The following MTRES1 variants were observed in gnomAD, a reference collection of about 807,000 sequenced individuals.
The protein encoded by MTRES1 is uncharacterized protein C6orf203.
In MTRES1, 11 loss-of-function variants were observed where a neutral mutation model predicts 17.4. The ratio of observed to expected loss-of-function variants is 0.63; its 90% confidence interval spans 0.40 to 1.05. The LOEUF (loss-of-function observed/expected upper bound fraction) is 1.05. Ranked by LOEUF, MTRES1 falls within the 50% of genes least tolerant of loss-of-function variation. The pLI, the probability that MTRES1 is intolerant of heterozygous loss-of-function variation, is 0.00. For synonymous variants in MTRES1, 94 were observed against 99.6 expected (o/e 0.94, Z 0.34); for missense variants, 268 against 276.2 (o/e 0.97, Z 0.21).
At chr6:107,035,131 C>CT (rs372797626) in intron 1 of MTRES1, among the ~76,000 whole-genome samples, 185 of 149,892 alleles carry the variant, frequency 1.2e-3, no homozygotes, top group Admixed American at 4.6e-3. Flanking sequence ...TCAGAGGGTG[C>CT]TTTTTTTTTT....
rs782791058 is a variant in MTRES1 at position 107,044,310 on chromosome 6, A to C, written c.521A>C (p.Lys174Thr). ...YKGELRLNEE[K>T]LWKKSRTVKV... ...GGTGAACTCAGGCTGAATGAGGAAA[A>C]ATTATGGAAGAAAAGCAGAACGGTG... The change falls in exon 3 of 4, where the codon AAA becomes ACA. Residue 174 changes from lysine to threonine, a missense_variant. Physicochemically the swap from Lys to Thr is moderately conservative, Grantham distance 78. Coordinates refer to ENST00000311381, the MANE Select transcript of MTRES1 (RefSeq NM_016487.5). 1.2e-6 allele frequency: 2 copies of C among 1,613,838 alleles called. No homozygotes were observed. Among genetic ancestry groups the C allele is most frequent in the Non-Finnish European group, 1.7e-6 (2 of 1,179,794 alleles).
In MTRES1 at chr6:107,044,344, AC is replaced by A; in HGVS notation, c.543+14del. The stretch of plus-strand genomic sequence containing the variant: ...AGAAAAGCAGAACGGTGAGATACTA[AC>A]CTAAAATGACAGCCAGATGTTTTCG... On this transcript the variant is annotated intron_variant, in intron 3 of 3. Transcript: ENST00000311381. The A allele has an allele frequency of 6.2e-7, 1 of 1,602,186 alleles. No individual in the cohort carries two copies. The highest frequency in any genetic ancestry group is 8.6e-7 in the Non-Finnish European group (1 of 1,169,416).
chr6:107,031,948 A>AACCAAGAGTAAGGTGTCTTGGCG (rs2114939130), intron 1 of MTRES1, among the ~76,000 whole-genome samples: 1 of 152,196 alleles, frequency 6.6e-6, no homozygotes, highest in South Asian at 2.1e-4. Context: ...ACAGGAAGAA[A>AACCAAGAGTAAGGTGTCTTGGCG]ACCAAGAGTA....
In MTRES1 at chr6:107,040,141, T is replaced by A. The variant is rs201199957; in HGVS notation, c.381T>A (p.Thr127=). The stretch of plus-strand genomic sequence containing the variant: ...AAGAGGAGCTTGAGGATGATCCTAC[T>A]GTAGTCAAAAACTATAAAGACCTGG... The part of the protein sequence containing the change: ...EQEEELEDDP[T]VVKNYKDLEK... The change falls in exon 2 of 4, where the codon ACT becomes ACA. Residue 127 remains threonine, a synonymous_variant. Transcript: ENST00000311381. The A allele has an allele frequency of 5.0e-6, 8 of 1,613,596 alleles. No homozygotes were observed. Among genetic ancestry groups the A allele is most frequent in the Middle Eastern group, 1.6e-4 (1 of 6,084 alleles).
At chr6:107,050,677 A>G (rs1774569875) in intron 3 of MTRES1, among the ~76,000 whole-genome samples, 1 of 150,968 alleles carries the variant, frequency 6.6e-6, no homozygotes, top group Non-Finnish European at 1.5e-5. Context: ...CCCGGGTCCA[A>G]GCGATTCTCC....
intron 1 of MTRES1, among the ~76,000 whole-genome samples, chr6:107,037,383 G>A (rs1047432733): frequency 6.6e-5 from 10 of 151,998 alleles, no homozygotes; most frequent in Admixed American, 2.6e-4. Flanking sequence ...GCTAATTTTC[G>A]TACTAAAAGT....
intron 3 of MTRES1, 116 bp downstream of exon 3, chr6:107,044,448 T>G: frequency 1.3e-6 from 1 of 769,132 alleles, no homozygotes; most frequent in Non-Finnish European, 2.2e-6. Context: ...TGAGGTCCTT[T>G]GTGGTCCTCC....
In MTRES1 at chr6:107,039,912, G is replaced by A. The variant is rs782731627; in HGVS notation, c.152G>A (p.Arg51His). The A allele has an allele frequency of 1.5e-5, 24 of 1,613,792 alleles. No individual in the cohort carries two copies. Among genetic ancestry groups the A allele is most frequent in the African/African-American group, 5.3e-5 (4 of 74,892 alleles). Residue 51 changes from arginine to histidine, a missense_variant, in exon 2 of 4, where the codon CGT becomes CAT. By Grantham distance (29) the Arg-to-His change is conservative. Coordinates refer to ENST00000311381, the MANE Select transcript of MTRES1 (RefSeq NM_016487.5). ...RYLYFSSTKL[R>H]APNYKTLFYN... ...TTGTATTTTTCTAGTACCAAGTTAC[G>A]TGCACCAAATTATAAAACACTTTTT...
chr6:107,047,573 G>A (rs1289721348), intron 3 of MTRES1, among the ~76,000 whole-genome samples: 1 of 151,898 alleles, frequency 6.6e-6, no homozygotes, highest in Non-Finnish European at 1.5e-5. Context: ...TGTATCATAT[G>A]CATATATTAC....
In MTRES1 at chr6:107,040,062, T is replaced by G. The variant is rs868908500; in HGVS notation, c.302T>G (p.Val101Gly). 6.2e-7 allele frequency: 1 copy of G among 1,613,462 alleles called. No individual in the cohort carries two copies. Among genetic ancestry groups the G allele is most frequent in the Admixed American group, 1.7e-5 (1 of 59,918 alleles). ...TKSTKKSLQKVDEEDSDEESH... is the reference protein window; with the variant it reads ...TKSTKKSLQKGDEEDSDEESH... ...TCTACTAAAAAGTCTCTGCAAAAAG[T>G]AGATGAAGAGGACTCTGATGAAGAA... The change falls in exon 2 of 4, where the codon GTA (valine) becomes GGA (glycine). Residue 101 changes from valine (V) to glycine (G), a missense_variant. Physicochemically the swap from Val to Gly is moderately radical, Grantham distance 109. Transcript: ENST00000311381.
intron 3 of MTRES1, among the ~76,000 whole-genome samples, chr6:107,047,636 G>C (rs1774436822): frequency 6.6e-6 from 1 of 152,080 alleles, no homozygotes; most frequent in Admixed American, 6.6e-5. Flanking sequence ...TGTAATCCCA[G>C]CACTTTGGGA....
chr6:107,030,348 A>G (rs548788397), intron 1 of MTRES1, among the ~76,000 whole-genome samples: 3 of 152,294 alleles, frequency 2.0e-5, no homozygotes, highest in African/African-American at 4.8e-5. Flanking sequence ...ATAGGCAGCT[A>G]TTGTGTTGCA....
At chr6:107,031,391 AAAAAAAAAG>A (rs1316660380) in intron 1 of MTRES1, among the ~76,000 whole-genome samples, 98 of 147,884 alleles carry the variant, frequency 6.6e-4, no homozygotes, top group South Asian at 2.4e-3. Flanking sequence ...GTCTCAAAAA[AAAAAAAAAG>A]AAAAAAAAAG....
chr6:107,037,176 A>G (rs1296630524), intron 1 of MTRES1, among the ~76,000 whole-genome samples: 1 of 152,156 alleles, frequency 6.6e-6, no homozygotes, highest in Non-Finnish European at 1.5e-5. Context: ...CAGTGACACG[A>G]TCTCAGCTCA....
At chr6:107,031,305 T>C in intron 1 of MTRES1, among the ~76,000 whole-genome samples, 1 of 140,472 alleles carries the variant, frequency 7.1e-6, no homozygotes, top group African/African-American at 2.7e-5. Context: ...TGGCTTGAAC[T>C]GGGGAGGCAG....
At position 107,029,276 on chromosome 6, in the gene MTRES1, C is replaced by T. The variant is rs1424769537; in HGVS notation, c.-13+1005C>T. Among the ~76,000 whole-genome samples the T allele has an allele frequency of 2.0e-5, 3 of 151,964 alleles. No homozygotes were observed. In the East Asian group the frequency reaches 5.8e-4, roughly 29 times the overall value. On this transcript the variant is annotated intron_variant, in intron 1 of 3. Coordinates refer to ENST00000311381, the MANE Select transcript of MTRES1 (RefSeq NM_016487.5). ...GATCTCTGCTCACTGCAAGCTCCGC[C>T]TCCCGGGTTCACGCCATTCTCCCGC...
intron 1 of MTRES1, among the ~76,000 whole-genome samples, chr6:107,032,746 T>G (rs1390439357): frequency 6.6e-6 from 1 of 152,088 alleles, no homozygotes; most frequent in Non-Finnish European, 1.5e-5. Flanking sequence ...ATGCTCATCC[T>G]CATTCATCCT....
At chr6:107,037,144 G>A (rs771073544) in intron 1 of MTRES1, among the ~76,000 whole-genome samples, 5 of 152,034 alleles carry the variant, frequency 3.3e-5, no homozygotes, top group Non-Finnish European at 7.4e-5. Flanking sequence ...CCTGGGAAAT[G>A]CTGAAATCCC....
chr6:107,051,160 CTGAAAG>C lies in MTRES1; in HGVS notation c.653_658del (p.Ser218_Glu219del). The stretch of plus-strand genomic sequence containing the variant: ...TTGAAAAAAGTGTTTGAAGAGAAGA[CTGAAAG>C]TGAAAAATACAGAGTGGTGTTACGG... On this transcript the variant is annotated inframe_deletion, in exon 4 of 4. Transcript: ENST00000311381. 6.2e-7 allele frequency: 1 copy of C among 1,614,010 alleles called. No individual in the cohort carries two copies. The highest frequency in any genetic ancestry group is 8.5e-7 in the Non-Finnish European group (1 of 1,179,942).
Sources: allele counts gnomAD v4.1 joint callset (sites outside exome capture counted in the v4.1 genomes callset), GRCh38; gene constraint gnomAD v4.1.1; transcripts MANE v1.5; gene names NCBI Gene and HGNC (gene_info 2026-07-23, HGNC 2026-07-21).